Variants in THBS4 observed in about 807,000 individuals in gnomAD.
The protein encoded by THBS4 is thrombospondin 4.
A neutral mutation model predicts 115.7 loss-of-function variants in THBS4; 90 were observed. That is an observed-to-expected ratio of 0.78 (90% CI 0.66 to 0.93). The LOEUF (loss-of-function observed/expected upper bound fraction) is 0.93, where lower values mean the gene tolerates loss of function less well. Among genes scored for constraint, THBS4 ranks in the 40% least tolerant of loss-of-function variants. The pLI, the probability that THBS4 is intolerant of heterozygous loss-of-function variation, is 0.00. For synonymous variants in THBS4, 460 were observed against 479.3 expected (o/e 0.96, Z 0.53); for missense variants, 1,087 against 1,232.7 (o/e 0.88, Z 1.77).
intron 2 of THBS4, among the ~76,000 whole-genome samples, chr5:80,020,392 T>A (rs1416685250): frequency 6.6e-6 from 1 of 152,138 alleles, no homozygotes. Context: ...GAGAATGGCA[T>A]GAACCCGGGA....
At chr5:80,065,385 T>C in intron 8 of THBS4, 24 bp from the exon 9 acceptor site, 1 of 1,602,714 alleles carries the variant, frequency 6.2e-7, no homozygotes, top group Non-Finnish European at 8.5e-7. Context: ...CTCGCTAAAC[T>C]TTCTTTGAAC....
intron 20 of THBS4, 133 bp downstream of exon 20, chr5:80,080,210 C>G (rs748458879): frequency 2.7e-6 from 3 of 1,098,078 alleles, no homozygotes; most frequent in African/African-American, 3.2e-5. Flanking sequence ...CTTTTGTGAC[C>G]GCAGGATGGG....
At chr5:80,021,751 AAAG>A (rs1454268845) in intron 2 of THBS4, among the ~76,000 whole-genome samples, 1 of 152,164 alleles carries the variant, frequency 6.6e-6, no homozygotes, top group Non-Finnish European at 1.5e-5. Context: ...GCCTGGCCTC[AAAG>A]AATACTCTTC....
intron 7 of THBS4, 27 bp from the exon 8 acceptor site, chr5:80,061,668 A>G (rs1377703163): frequency 1.3e-6 from 2 of 1,587,630 alleles, no homozygotes; most frequent in Admixed American, 1.8e-5. Context: ...CGGTGTGGCT[A>G]AAGACTTTGA....
intron 20 of THBS4, among the ~76,000 whole-genome samples, chr5:80,080,583 T>TTTTTTTTTTTTTTG: frequency 8.0e-6 from 1 of 124,446 alleles, no homozygotes; most frequent in Non-Finnish European, 1.7e-5. Context: ...TTGTATCTTT[T>TTTTTTTTTTTTTTG]TTTTTTTTTT....
Position 80,035,449 on chromosome 5 carries a change from G to T in THBS4, c.-89G>T. ...CACCTGCGGCGCCGGCCCGGGCGCC[G>T]ACCGAGGTTCAACGCACGGCCCGGG... is the stretch of plus-strand genomic sequence containing the variant. On this transcript the variant is annotated 5_prime_UTR_variant, in exon 1 of 22. Coordinates refer to ENST00000350881, the MANE Select transcript of THBS4 (RefSeq NM_003248.6). This position sits in a 1 kb window ranked among gnomAD's most constrained non-coding sequence, Gnocchi z 4.6. The T allele has an allele frequency of 1.0e-6, 1 of 966,404 alleles. No homozygotes were observed. Among genetic ancestry groups the T allele is most frequent in the South Asian group, 5.0e-5 (1 of 20,046 alleles). 59.9% of individuals were successfully genotyped at this position (966,404 alleles called of 1,614,324 possible).
Position 80,070,679 on chromosome 5 carries a change from G to T in THBS4, c.1489G>T (p.Asp497Tyr). 6.2e-7 allele frequency: 1 copy of T among 1,614,208 alleles called. No individual in the cohort carries two copies. The highest frequency in any genetic ancestry group is 8.5e-7 in the Non-Finnish European group (1 of 1,180,044). The stretch of plus-strand genomic sequence containing the variant: ...ATATGTGCCAAATTCTGGCCAAGAA[G>T]ATGCAGACAGAGATGGCATTGGCGA... Reference protein sequence around the residue: ...CKYVPNSGQEDADRDGIGDAC... With the variant: ...CKYVPNSGQEYADRDGIGDAC... The change falls in exon 12 of 22, where the codon GAT becomes TAT. Residue 497 changes from aspartate to tyrosine, a missense_variant. By Grantham distance (160) the Asp-to-Tyr change is radical. This residue lies in a region of THBS4 where 979 missense variants were observed against 1,103.7 expected (regional missense o/e 0.89). Transcript: ENST00000350881.
At chr5:80,011,741 G>A (rs899784896) in intron 2 of THBS4, among the ~76,000 whole-genome samples, 7 of 152,066 alleles carry the variant, frequency 4.6e-5, no homozygotes, top group Admixed American at 6.6e-5. Flanking sequence ...GAGGACACAC[G>A]TCCAACCTGC....
chr5:80,075,567 G>C (rs1379682201), intron 15 of THBS4, among the ~76,000 whole-genome samples: 1 of 152,098 alleles, frequency 6.6e-6, no homozygotes, highest in African/African-American at 2.4e-5. Flanking sequence ...ATGTTCCCTG[G>C]TGCAGGTCAT....
rs1209423467 is a variant in THBS4, at chr5:80,065,425, A to T, written c.1142A>T (p.Asp381Val). The T allele has an allele frequency of 6.2e-7, 1 of 1,613,508 alleles. No homozygotes were observed. The highest frequency in any genetic ancestry group is 1.7e-5 in the Admixed American group (1 of 59,756). Residue 381 changes from aspartate to valine, a missense_variant, in exon 9 of 22, where the codon GAT becomes GTT. Physicochemically the swap from Asp to Val is radical, Grantham distance 152. Coordinates refer to ENST00000350881, the MANE Select transcript of THBS4 (RefSeq NM_003248.6). ...CTGCACTAGGTCTGCACTGACATTG[A>T]TGAGTGTCGAAATGGAGCGTGCGTT... ...KSNKQVCTDI[D>V]ECRNGACVPN...
chr5:80,082,442 C>A lies in THBS4; in HGVS notation c.2721C>A (p.Asp907Glu), dbSNP rs1321594950. 6.2e-7 allele frequency: 1 copy of A among 1,614,216 alleles called. No individual in the cohort carries two copies. Among genetic ancestry groups the A allele is most frequent in the Admixed American group, 1.7e-5 (1 of 60,026 alleles). ...ATGAAGGCTCTGAGTTGGTGGCTGA[C>A]TCTGGCGTCACCATAGACACCACAA... is the stretch of plus-strand genomic sequence containing the variant. ...RFYEGSELVA[D>E]SGVTIDTTMR... is the part of the protein sequence containing the mutation. The change falls in exon 21 of 22, where the codon GAC (aspartate) becomes GAA (glutamate). Residue 907 changes from aspartate to glutamate, a missense_variant. Physicochemically the swap from Asp to Glu is conservative, Grantham distance 45. Transcript: ENST00000350881.
intron 20 of THBS4, chr5:80,082,132 T>A (rs964975501): frequency 1.5e-5 from 6 of 393,348 alleles, no homozygotes; most frequent in Non-Finnish European, 2.7e-5. Context: ...ACCAACATCA[T>A]GTTAGGCCTT....
chr5:80,074,446 T>C (rs1743087780), intron 15 of THBS4: 1 of 152,124 alleles, frequency 6.6e-6, no homozygotes. Context: ...TTTGTCTCCA[T>C]AGGGAATTCT....
chr5:80,024,408 G>A (rs1832435669), intron 2 of THBS4, among the ~76,000 whole-genome samples: 1 of 152,202 alleles, frequency 6.6e-6, no homozygotes, highest in African/African-American at 2.4e-5. Flanking sequence ...TTCATTGAGA[G>A]CCATGATATG....
chr5:80,015,582 T>G (rs2438611), intron 2 of THBS4, among the ~76,000 whole-genome samples: 38,797 of 151,994 alleles, frequency 0.26, 5,628 homozygotes, highest in African/African-American at 0.4. Context: ...GAAACCTCCT[T>G]ATAATACTTT....
chr5:80,059,513 G>A (rs1245653512), intron 6 of THBS4, 22 bp downstream of exon 6: 1 of 1,613,676 alleles, frequency 6.2e-7, no homozygotes, highest in African/African-American at 1.3e-5. Context: ...TCTAGTAATG[G>A]GCTCGCCTGA....
rs750520077 is a variant in THBS4 at position 80,055,883 on chromosome 5, C to G, written c.391C>G (p.Leu131Val). ...AAGGCGGCACAGGATCCTCCTGAGG[C>G]TGAGCAATTTGCAGCGAGGGGCCGG... Reference protein sequence around the residue: ...DGRRHRILLRLSNLQRGAGSL... With the variant: ...DGRRHRILLRVSNLQRGAGSL... The change falls in exon 3 of 22, where the codon CTG (leucine) becomes GTG (valine). Residue 131 changes from leucine (L) to valine (V), a missense_variant. Physicochemically the swap from Leu to Val is conservative, Grantham distance 32. Coordinates refer to ENST00000350881, the MANE Select transcript of THBS4 (RefSeq NM_003248.6). 6.2e-7 allele frequency: 1 copy of G among 1,614,232 alleles called. No homozygotes were observed. The highest frequency in any genetic ancestry group is 1.1e-5 in the South Asian group (1 of 91,086).
At chr5:80,033,170 A>C (rs578052573), upstream of THBS4, 1 of 430,360 alleles carries the variant, frequency 2.3e-6, no homozygotes, top group East Asian at 7.0e-5. Context: ...GGCATGATCA[A>C]CTCTGTTTCC....
chr5:79,991,371 G>C (rs1348402722), exon 1 of THBS4: 2 of 803,646 alleles, frequency 2.5e-6, no homozygotes, highest in Non-Finnish European at 3.8e-6. Flanking sequence ...ACAACGACTG[G>C]AGGGATTAAG....
Sources: allele counts gnomAD v4.1 joint callset (sites outside exome capture counted in the v4.1 genomes callset), GRCh38; gene constraint gnomAD v4.1.1; regional missense constraint gnomAD v4.1.1; non-coding constraint Gnocchi (gnomAD v3.1); transcripts MANE v1.5; gene names NCBI Gene and HGNC (gene_info 2026-07-23, HGNC 2026-07-21).